Variants in LOC128462377 observed in about 807,000 individuals in gnomAD.
At chr16:89,377,036 G>C in the LOC128462377 span, among the ~76,000 whole-genome samples, 8 of 152,190 alleles carry the variant, frequency 5.3e-5, no homozygotes, top group African/African-American at 1.9e-4. Flanking sequence ...TTGATGCTTT[G>C]TCCGTGAAGT....
At chr16:89,352,625 G>A in the LOC128462377 span, among the ~76,000 whole-genome samples, 2 of 152,182 alleles carry the variant, frequency 1.3e-5, no homozygotes, top group South Asian at 4.1e-4. Context: ...GATCTTTGAA[G>A]GGTAAAAGCT....
chr16:89,409,507 G>C, the LOC128462377 span, among the ~76,000 whole-genome samples: 1 of 152,326 alleles, frequency 6.6e-6, no homozygotes, highest in East Asian at 1.9e-4. Context: ...GAGCAAGACA[G>C]CTAGCTTTTC....
At chr16:89,326,896 G>A in the LOC128462377 span, among the ~76,000 whole-genome samples, 2 of 152,202 alleles carry the variant, frequency 1.3e-5, no homozygotes, top group Non-Finnish European at 1.5e-5. Flanking sequence ...TCTGCACGTG[G>A]GGCTGACAGG....
At chr16:89,370,972 C>G in the LOC128462377 span, among the ~76,000 whole-genome samples, 2 of 152,254 alleles carry the variant, frequency 1.3e-5, no homozygotes, top group African/African-American at 4.8e-5. Context: ...CGAGACAACC[C>G]TAGGGCTCCG....
chr16:89,340,596 G>C, the LOC128462377 span, among the ~76,000 whole-genome samples: 1 of 152,342 alleles, frequency 6.6e-6, no homozygotes, highest in South Asian at 2.1e-4. Context: ...CTTTTATCAA[G>C]AGATCTTGGT....
chr16:89,393,454 G>C, the LOC128462377 span, among the ~76,000 whole-genome samples: 1 of 149,428 alleles, frequency 6.7e-6, no homozygotes, highest in African/African-American at 2.5e-5. Context: ...CCCCCATGTA[G>C]CTGGGATTAC....
the LOC128462377 span, chr16:89,317,144 C>A: frequency 9.5e-7 from 1 of 1,048,202 alleles, no homozygotes; most frequent in Non-Finnish European, 1.4e-6. Context: ...CACTCTCACA[C>A]CGCACTCAAC....
At chr16:89,318,139 C>T in the LOC128462377 span, among the ~76,000 whole-genome samples, 3 of 152,252 alleles carry the variant, frequency 2.0e-5, no homozygotes, top group Admixed American at 6.5e-5. Context: ...CCCTCTGCGA[C>T]ACACGGTGCG....
At chr16:89,390,078 G>A in the LOC128462377 span, among the ~76,000 whole-genome samples, 1 of 63,404 alleles carries the variant, frequency 1.6e-5, no homozygotes. Flanking sequence ...ACCGAGTGTG[G>A]CGGGGAGCAC....
the LOC128462377 span, among the ~76,000 whole-genome samples, chr16:89,402,633 G>C: frequency 1.3e-5 from 2 of 150,938 alleles, no homozygotes; most frequent in East Asian, 3.9e-4. Flanking sequence ...AGTGAGCTGT[G>C]GGTGGGGGGG....
At chr16:89,376,796 T>A in the LOC128462377 span, among the ~76,000 whole-genome samples, 4 of 152,196 alleles carry the variant, frequency 2.6e-5, no homozygotes, top group African/African-American at 9.7e-5. Context: ...AAAAAAATCC[T>A]GTAAGAACAT....
the LOC128462377 span, among the ~76,000 whole-genome samples, chr16:89,318,174 C>A: frequency 6.6e-6 from 1 of 152,200 alleles, no homozygotes; most frequent in African/African-American, 2.4e-5. Flanking sequence ...TTCCCAGCCT[C>A]GTCCTGGTCT....
the LOC128462377 span, among the ~76,000 whole-genome samples, chr16:89,349,137 A>T: frequency 7.4e-6 from 1 of 134,516 alleles, no homozygotes; most frequent in African/African-American, 2.7e-5. Context: ...CAAAAAGTAA[A>T]AAAAAAAAAA....
the LOC128462377 span, among the ~76,000 whole-genome samples, chr16:89,345,634 G>A: frequency 6.6e-6 from 1 of 152,186 alleles, no homozygotes; most frequent in African/African-American, 2.4e-5. Flanking sequence ...AAAGTAAATG[G>A]ACTAAGAAAT....
At chr16:89,396,083 G>C in the LOC128462377 span, 2 of 152,218 alleles carry the variant, frequency 1.3e-5, no homozygotes, top group African/African-American at 4.8e-5. Context: ...AGGAAAGACA[G>C]CTGCAAGTTC....
the LOC128462377 span, among the ~76,000 whole-genome samples, chr16:89,383,687 G>A: frequency 6.6e-6 from 1 of 152,128 alleles, no homozygotes; most frequent in Non-Finnish European, 1.5e-5. Context: ...CGCAGCAGAC[G>A]TCCAGCCCCT....
chr16:89,334,401 A>G, the LOC128462377 span, among the ~76,000 whole-genome samples: 13 of 152,172 alleles, frequency 8.5e-5, no homozygotes, highest in South Asian at 6.2e-4. Context: ...GAGTGGGTCC[A>G]GCTCTTCTTA....
chr16:89,385,364 G>A, the LOC128462377 span, among the ~76,000 whole-genome samples: 13 of 151,186 alleles, frequency 8.6e-5, no homozygotes, highest in African/African-American at 3.2e-4. Flanking sequence ...CCTGACCTCA[G>A]GTGATCCACC....
the LOC128462377 span, among the ~76,000 whole-genome samples, chr16:89,399,707 C>T: frequency 6.6e-6 from 1 of 152,182 alleles, no homozygotes; most frequent in South Asian, 2.1e-4. Flanking sequence ...TAACAAATGG[C>T]CGCTCTTGTG....
Sources: gnomAD v4.1 joint callset for allele counts (sites outside exome capture counted in the v4.1 genomes callset) on GRCh38, gnomAD v4.1.1 for gene constraint, MANE v1.5 for transcripts.